KCTD3: variants seen among roughly 807,000 people sequenced by gnomAD.
The protein encoded by KCTD3 is BTB/POZ domain-containing protein KCTD3.
In KCTD3, 41 loss-of-function variants were observed where a neutral mutation model predicts 85.8. The ratio of observed to expected loss-of-function variants is 0.48; its 90% CI spans 0.37 to 0.62. The LOEUF (loss-of-function observed/expected upper bound fraction) is 0.62, where lower values mean the gene tolerates loss of function less well. Ranked by LOEUF, KCTD3 falls within the 20% of genes least tolerant of loss-of-function variation. KCTD3 has a pLI of 0.00. For synonymous variants in KCTD3, 338 were observed against 345.4 expected, an observed-to-expected ratio of 0.98 and a Z score of 0.24; for missense variants, 724 against 989.9, an observed-to-expected ratio of 0.73 and a Z score of 3.60.
At chr1:215,604,052 A>T in intron 12 of KCTD3, 80 bp from the exon 13 acceptor site, 1 of 1,100,346 alleles carries the variant, frequency 9.1e-7, no homozygotes, top group Non-Finnish European at 1.3e-6. Context: ...TGCCTATTTT[A>T]TCATAGGGAA....
rs757741262 is a variant in KCTD3 at position 215,604,211 on chromosome 1, A to C, written c.1218A>C (p.Thr406=). 5.0e-6 allele frequency: 8 copies of C among 1,613,410 alleles called. No individual in the cohort carries two copies. Among genetic ancestry groups the C allele is most frequent in the Non-Finnish European group, 6.8e-6 (8 of 1,179,472 alleles). The change falls in exon 13 of 18, where the codon ACA becomes ACC. Residue 406 remains threonine (T), a synonymous_variant. Coordinates refer to ENST00000259154, the MANE Select transcript of KCTD3 (RefSeq NM_016121.5). The stretch of plus-strand genomic sequence containing the variant: ...GAGTGATTGTACAACACCCAGAGAC[A>C]GTTGGGTCAGGTCCTCAGCTTTTTC... ...AVRVIVQHPE[T]VGSGPQLFQT...
intron 7 of KCTD3, 74 bp from the exon 8 acceptor site, chr1:215,579,835 A>T (rs1443365339): frequency 2.0e-6 from 2 of 1,025,502 alleles, no homozygotes. Flanking sequence ...CAGAAGGCTG[A>T]AACTGGCCTG....
At position 215,579,141 on chromosome 1, in the gene KCTD3, A is replaced by G; in HGVS notation, c.535+4A>G. On this transcript the variant is annotated splice_donor_region_variant and intron_variant, in intron 7 of 17. Transcript: ENST00000259154. The stretch of plus-strand genomic sequence containing the variant: ...GGAGAAGAAACTGTTAGGCTAGGTA[A>G]GCAAAGATTACAGAAATAGAAAAAG... 1 of 1,608,860 alleles carries G rather than the reference A, an allele frequency of 6.2e-7. No individual in the cohort carries two copies. The highest frequency in any genetic ancestry group is 8.5e-7 in the Non-Finnish European group (1 of 1,177,386).
At chr1:215,616,373 T>C (rs1232527726) in intron 15 of KCTD3, among the ~76,000 whole-genome samples, 1 of 152,182 alleles carries the variant, frequency 6.6e-6, no homozygotes, top group Non-Finnish European at 1.5e-5. Context: ...CTATTTATGA[T>C]TTAAAAAAAC....
chr1:215,602,413 G>A (rs1374957451), intron 12 of KCTD3, among the ~76,000 whole-genome samples: 1 of 151,030 alleles, frequency 6.6e-6, no homozygotes, highest in African/African-American at 2.4e-5. Flanking sequence ...TGGAAAATTG[G>A]AACTCCCCTT....
At chr1:215,580,812 A>T (rs748466885) in intron 8 of KCTD3, among the ~76,000 whole-genome samples, 4 of 152,202 alleles carry the variant, frequency 2.6e-5, no homozygotes, top group Non-Finnish European at 4.4e-5. Context: ...TGTCTTCTAA[A>T]GTTTACAGAT....
At chr1:215,590,030 C>A (rs1660152128) in intron 9 of KCTD3, among the ~76,000 whole-genome samples, 1 of 152,130 alleles carries the variant, frequency 6.6e-6, no homozygotes, top group African/African-American at 2.4e-5. Context: ...TCCAAAAGTA[C>A]CTTTTTACAT....
At chr1:215,586,407 G>C (rs536379583) in intron 8 of KCTD3, 88 bp from the exon 9 acceptor site, 7 of 1,068,962 alleles carry the variant, frequency 6.5e-6, no homozygotes, top group South Asian at 5.4e-5. Context: ...GTTTTTTGTT[G>C]TTGTTTTTTG....
At chr1:215,591,497 A>C (rs981996006) in intron 9 of KCTD3, among the ~76,000 whole-genome samples, 2 of 152,130 alleles carry the variant, frequency 1.3e-5, no homozygotes, top group African/African-American at 4.8e-5. Context: ...AGCTGGGACT[A>C]CAGGCACATG....
At chr1:215,600,356 C>G (rs1347452813) in intron 10 of KCTD3, among the ~76,000 whole-genome samples, 1 of 152,030 alleles carries the variant, frequency 6.6e-6, no homozygotes, top group East Asian at 1.9e-4. Context: ...GCTTTTTTTA[C>G]TTGCTCTTCA....
At chr1:215,615,361 C>T (rs1245523216) in intron 15 of KCTD3, among the ~76,000 whole-genome samples, 1 of 152,134 alleles carries the variant, frequency 6.6e-6, no homozygotes, top group Admixed American at 6.5e-5. Context: ...TGGCTCACGG[C>T]TGTAGTCCCA....
chr1:215,592,673 C>T (rs1234823254), intron 9 of KCTD3, among the ~76,000 whole-genome samples: 2 of 152,088 alleles, frequency 1.3e-5, no homozygotes, highest in Admixed American at 1.3e-4. Context: ...TTTGTTCATG[C>T]CCTGTAAAAG....
intron 12 of KCTD3, 44 bp from the exon 13 acceptor site, chr1:215,604,088 A>G: frequency 2.1e-6 from 3 of 1,456,474 alleles, no homozygotes; most frequent in Non-Finnish European, 2.8e-6. Context: ...CTTTTTTATT[A>G]TCGTTCCATA....
At chr1:215,597,005 A>G (rs1654589008) in intron 10 of KCTD3, among the ~76,000 whole-genome samples, 1 of 152,176 alleles carries the variant, frequency 6.6e-6, no homozygotes, top group Non-Finnish European at 1.5e-5. Flanking sequence ...AAGACGTTGA[A>G]GAATATTATC....
intron 8 of KCTD3, among the ~76,000 whole-genome samples, chr1:215,584,488 C>T (rs997841474): frequency 6.6e-6 from 1 of 152,170 alleles, no homozygotes; most frequent in Non-Finnish European, 1.5e-5. Context: ...TTGAGCCTTG[C>T]CATGGGTTTA....
intron 1 of KCTD3, among the ~76,000 whole-genome samples, chr1:215,570,893 T>G (rs1185541470): frequency 6.6e-6 from 1 of 152,184 alleles, no homozygotes; most frequent in Non-Finnish European, 1.5e-5. Context: ...TTCAAATGAT[T>G]ATGCTCATCA....
intron 10 of KCTD3, among the ~76,000 whole-genome samples, chr1:215,601,071 G>A (rs972583489): frequency 3.3e-5 from 5 of 152,104 alleles, no homozygotes; most frequent in African/African-American, 7.2e-5. Context: ...CCGAGCAGCC[G>A]GGATTACTGG....
chr1:215,617,403 A>G (rs1000218524), intron 15 of KCTD3, among the ~76,000 whole-genome samples: 113 of 152,246 alleles, frequency 7.4e-4, no homozygotes, highest in African/African-American at 2.7e-3. Flanking sequence ...CCCGTGTGAT[A>G]TGACAGATAG....
intron 14 of KCTD3, among the ~76,000 whole-genome samples, chr1:215,610,209 A>G (rs1245194342): frequency 6.6e-6 from 1 of 151,848 alleles, no homozygotes; most frequent in Non-Finnish European, 1.5e-5. Flanking sequence ...ATGGGGTAAT[A>G]GATATTGGAG....
Sources: allele counts gnomAD v4.1 joint callset (sites outside exome capture counted in the v4.1 genomes callset), GRCh38; gene constraint gnomAD v4.1.1; transcripts MANE v1.5; gene names NCBI Gene and HGNC (gene_info 2026-07-23, HGNC 2026-07-21).